ATP8B3: variants seen among roughly 807,000 people sequenced by gnomAD.
ATP8B3 encodes ATPase phospholipid transporting 8B3.
ATP8B3 carries 141 observed loss-of-function variants against 140.9 expected under a neutral mutation model. The ratio of observed to expected loss-of-function variants is 1.00; its 90% CI spans 0.87 to 1.15. ATP8B3 has a LOEUF of 1.15. Ranked by LOEUF, ATP8B3 falls within the 50% of genes most tolerant of loss-of-function variation. The pLI, the probability that ATP8B3 is intolerant of heterozygous loss-of-function variation, is 0.00. For missense variants in ATP8B3, 1,874 were observed against 1,740.6 expected (o/e 1.08, Z -1.36); for synonymous variants, 765 against 714.6 (o/e 1.07, Z -1.13).
chr19:1,791,923 G>A lies in ATP8B3; in HGVS notation c.2191-62C>T, dbSNP rs116649690. The A allele has an allele frequency of 3.9e-3, 6,211 of 1,598,030 alleles. 192 individuals carry two copies. The African/African-American group carries it at 0.071, about 18-fold the overall frequency. ...AGCAGCCGTCCAGCTCCCTGGCGGG[G>A]GCAGGAGAGTCCCAGGGCCCCCTTG... On this transcript the variant is annotated intron_variant, in intron 19 of 28. Coordinates refer to ENST00000310127, the MANE Select transcript of ATP8B3 (RefSeq NM_138813.4).
At chr19:1,791,366 T>C (rs565768665) in intron 20 of ATP8B3, among the ~76,000 whole-genome samples, 2 of 149,950 alleles carry the variant, frequency 1.3e-5, no homozygotes, top group South Asian at 4.3e-4. Flanking sequence ...CATGTGCCAC[T>C]GCGCTCCTCT....
At chr19:1,808,397 G>T in intron 4 of ATP8B3, 62 bp from the exon 5 acceptor site, 1 of 1,314,696 alleles carries the variant, frequency 7.6e-7, no homozygotes, top group Non-Finnish European at 1.1e-6. Context: ...GGATGGGGGT[G>T]CCCGAGGCCA....
chr19:1,798,575 A>G (rs2068750450), intron 14 of ATP8B3, among the ~76,000 whole-genome samples: 1 of 151,712 alleles, frequency 6.6e-6, no homozygotes, highest in Admixed American at 6.6e-5. Context: ...TGTCTCTATT[A>G]AAAATACAAA....
chr19:1,806,080 G>T lies in ATP8B3; in HGVS notation c.750+17C>A, dbSNP rs1323319475. The T allele has an allele frequency of 1.9e-6, 3 of 1,601,710 alleles. No homozygotes were observed. The highest frequency in any genetic ancestry group is 4.5e-5 in the East Asian group (2 of 44,130). On this transcript the variant is annotated intron_variant, in intron 8 of 28. Transcript: ENST00000310127. The surrounding 1 kb of genome is among the most constrained non-coding windows in gnomAD (Gnocchi z 5.6). ...GGGGCGCGTGGTTCTGGGACCTCGGGGTCAACCCCAGCTCACTGGGACGAT... is the reference window on the plus strand; with the variant it reads ...GGGGCGCGTGGTTCTGGGACCTCGGTGTCAACCCCAGCTCACTGGGACGAT...
chr19:1,803,677 A>T (rs2068921892), intron 10 of ATP8B3, among the ~76,000 whole-genome samples: 2 of 152,154 alleles, frequency 1.3e-5, no homozygotes, highest in South Asian at 4.2e-4. Flanking sequence ...CGGGTGGATC[A>T]CCTGAGGTCA....
At position 1,802,031 on chromosome 19, in the gene ATP8B3, T is replaced by C. The variant is rs1339472029; in HGVS notation, c.1077A>G (p.Lys359=). ...GGATCTTGCCACAGTTCTTCATAATTTTTGTGTCAAAACCTACAAACATGT... is the reference window on the plus strand; with the variant it reads ...GGATCTTGCCACAGTTCTTCATAATCTTTGTGTCAAAACCTACAAACATGT... The part of the protein sequence containing the change: ...GLVIYAGFDT[K]IMKNCGKIHL... The change falls in exon 12 of 29, where the codon AAA becomes AAG. Residue 359 remains lysine (K), a synonymous_variant. Transcript: ENST00000310127. The C allele has an allele frequency of 6.2e-7, 1 of 1,611,396 alleles. No homozygotes were observed.
In ATP8B3 at chr19:1,807,027, C is replaced by T; in HGVS notation, c.615+141G>A. On this transcript the variant is annotated intron_variant, in intron 6 of 28. Transcript: ENST00000310127. The surrounding 1 kb of genome is among the most constrained non-coding windows in gnomAD (Gnocchi z 5.9). ...GCTAGCAGATAAGGACAATGTAGCC[C>T]CAGCAGCTGAGGCTCCCAGGCCCAC... 1.3e-6 allele frequency: 1 copy of T among 769,456 alleles called. No homozygotes were observed. The highest frequency in any genetic ancestry group is 2.2e-6 in the Non-Finnish European group (1 of 464,562). The allele number at this position is 769,456 out of a possible 1,614,324, so 47.7% of individuals were successfully genotyped here.
Position 1,806,305 on chromosome 19 carries a change from T to G in ATP8B3, c.678-136A>C. On this transcript the variant is annotated intron_variant, in intron 7 of 28. Transcript: ENST00000310127. This position sits in a 1 kb window ranked among gnomAD's most constrained non-coding sequence, Gnocchi z 5.6. ...CGGGCCTTTGCCCCCTCAGGAAGCC[T>G]TCCCCGGGCTCCCACCCCACTCCCC... is the stretch of plus-strand genomic sequence containing the variant. 6.7e-7 allele frequency: 1 copy of G among 1,482,272 alleles called. No individual in the cohort carries two copies. The highest frequency in any genetic ancestry group is 1.3e-5 in the South Asian group (1 of 74,406). 91.8% of individuals were successfully genotyped at this position (1,482,272 alleles called of 1,614,324 possible). A position where few individuals can be genotyped will look rare whatever the true frequency, so the allele number is the denominator to read the frequency against.
intron 24 of ATP8B3, 56 bp from the exon 25 acceptor site, chr19:1,787,242 C>A (rs796599712): frequency 3.8e-5 from 56 of 1,479,474 alleles, no homozygotes; most frequent in South Asian, 3.3e-4. Flanking sequence ...ACCCAAGGAG[C>A]CTGCCAAGCA....
chr19:1,796,173 C>T lies in ATP8B3; in HGVS notation c.1846G>A (p.Asp616Asn). 2 of 1,612,944 alleles carry T rather than the reference C, an allele frequency of 1.2e-6. No individual in the cohort carries two copies. The highest frequency in any genetic ancestry group is 1.1e-5 in the South Asian group (1 of 91,080). Residue 616 changes from aspartate (D) to asparagine (N), a missense_variant, in exon 17 of 29, where the codon GAC becomes AAC. Transcript: ENST00000310127. ...FGYVFLSRTQ[D>N]TVTIMELGEE... ...CCCAGCTCCATGATCGTGACGGTGT[C>T]CTGGGTGCGGGACAGGAACACGTAG... is the stretch of plus-strand genomic sequence containing the variant.
chr19:1,790,664 T>A, intron 21 of ATP8B3, 93 bp downstream of exon 21: 18 of 479,802 alleles, frequency 3.8e-5, no homozygotes, highest in East Asian at 1.1e-4. Flanking sequence ...CCACTGTGCC[T>A]TGGGCTCCCC....
chr19:1,786,725 G>A (rs992567409), intron 25 of ATP8B3, among the ~76,000 whole-genome samples: 6 of 152,140 alleles, frequency 3.9e-5, no homozygotes, highest in South Asian at 2.1e-4. Context: ...CATCTGGAAC[G>A]TTCCATGTGA....
rs1345959827 is a variant in ATP8B3, at chr19:1,794,348, C to A, written c.2055+1527G>T. ...GGGGTGGCTGAGCTAAGCTGACCTG[C>A]TGAGCTCCTGGGCTCTAGGTCATTA... On this transcript the variant is annotated intron_variant, in intron 18 of 28. Transcript: ENST00000310127. This position sits in a 1 kb window ranked among gnomAD's most constrained non-coding sequence, Gnocchi z 4.8. Among the ~76,000 whole-genome samples, 1 of 152,158 alleles carries A rather than the reference C, an allele frequency of 6.6e-6. No individual in the cohort carries two copies. The highest frequency in any genetic ancestry group is 1.5e-5 in the Non-Finnish European group (1 of 68,008).
chr19:1,802,082 C>CAT, intron 11 of ATP8B3, 38 bp from the exon 12 acceptor site: 1 of 1,374,326 alleles, frequency 7.3e-7, no homozygotes, highest in South Asian at 1.3e-5. Flanking sequence ...CACCCACCCA[C>CAT]CCATCCACCC....
rs768658706 is a variant in ATP8B3, at chr19:1,795,843, ACACAT to A, written c.2055+27_2055+31del. The A allele has an allele frequency of 1.4e-3, 1,786 of 1,270,784 alleles. 9 individuals are homozygous for A. The highest frequency in any genetic ancestry group is 6.1e-3 in the African/African-American group (351 of 57,574). 78.7% of individuals were successfully genotyped at this position (1,270,784 alleles called of 1,614,324 possible). On this transcript the variant is annotated intron_variant, in intron 18 of 28. Transcript: ENST00000310127. The stretch of plus-strand genomic sequence containing the variant: ...CACACACACACACACACACACACAC[ACACAT>A]AAGCCAGCCTTCCTGAAGGGACTCA...
intron 23 of ATP8B3, 67 bp downstream of exon 23, chr19:1,789,294 C>T: frequency 4.2e-6 from 6 of 1,439,222 alleles, no homozygotes; most frequent in Non-Finnish European, 5.5e-6. Flanking sequence ...CCCCCAGTCC[C>T]ACCACCGCCT....
In ATP8B3 at chr19:1,806,505, C is replaced by T. The variant is rs868403929; in HGVS notation, c.677+123G>A. ...TAATGAATGCAGGCCCGGTTCCTGT[C>T]GGACTCAACCAGCCGGGAGATCAGG... On this transcript the variant is annotated intron_variant, in intron 7 of 28. Coordinates refer to ENST00000310127, the MANE Select transcript of ATP8B3 (RefSeq NM_138813.4). The surrounding 1 kb of genome is among the most constrained non-coding windows in gnomAD (Gnocchi z 5.6). 29 of 1,498,052 alleles carry T rather than the reference C, an allele frequency of 1.9e-5. No homozygotes were observed. The East Asian group carries it at 4.4e-4, about 23-fold the overall frequency. The allele number at this position is 1,498,052 out of a possible 1,614,324, so 92.8% of individuals were successfully genotyped here. A position where few individuals can be genotyped will look rare whatever the true frequency, so the allele number is the denominator to read the frequency against.
Position 1,785,370 on chromosome 19 carries a change from G to A in ATP8B3, c.3394-73C>T. The A allele has an allele frequency of 3.2e-6, 5 of 1,552,442 alleles. No individual in the cohort carries two copies. In the South Asian group the frequency reaches 6.1e-5, roughly 19 times the overall value. ...CCAGGACACCAGCCCCTGGGGTCCA[G>A]GAAGGGCACCTGGCAATGCCCCCAA... On this transcript the variant is annotated intron_variant, in intron 26 of 28. Coordinates refer to ENST00000310127, the MANE Select transcript of ATP8B3 (RefSeq NM_138813.4).
Position 1,806,831 on chromosome 19 carries a change from A to G in ATP8B3, c.616-142T>C, listed in dbSNP as rs1030895161. ...GCCCCACGCCACGTTGCGTCTGCTCAGGGATCCCGGACGTGGGGGCCACTG... is the reference window on the plus strand; with the variant it reads ...GCCCCACGCCACGTTGCGTCTGCTCGGGGATCCCGGACGTGGGGGCCACTG... On this transcript the variant is annotated intron_variant, in intron 6 of 28. Transcript: ENST00000310127. The surrounding 1 kb of genome is among the most constrained non-coding windows in gnomAD (Gnocchi z 5.6). 1 of 977,374 alleles carries G rather than the reference A, an allele frequency of 1.0e-6. No individual in the cohort carries two copies. The highest frequency in any genetic ancestry group is 1.5e-6 in the Non-Finnish European group (1 of 650,240). The allele number at this position is 977,374 out of a possible 1,614,324, so 60.5% of individuals were successfully genotyped here.
Sources: allele counts gnomAD v4.1 joint callset (sites outside exome capture counted in the v4.1 genomes callset), GRCh38; gene constraint gnomAD v4.1.1; non-coding constraint Gnocchi (gnomAD v3.1); transcripts MANE v1.5; gene names NCBI Gene and HGNC (gene_info 2026-07-23, HGNC 2026-07-21).